Variants in LARGE1 observed in about 807,000 individuals in gnomAD.
LARGE1 encodes the protein LARGE xylosyl- and glucuronyltransferase 1.
In LARGE1, 43 loss-of-function variants were observed where a neutral mutation model predicts 87.6. The ratio of observed to expected loss-of-function variants is 0.49; its 90% confidence interval spans 0.38 to 0.63. LARGE1 has a LOEUF of 0.63. Among genes scored for constraint, LARGE1 ranks in the 30% least tolerant of loss-of-function variants. The pLI, the probability that LARGE1 is intolerant of heterozygous loss-of-function variation, is 0.00. For synonymous variants in LARGE1, 434 were observed against 394.6 expected (o/e 1.10, Z -1.18); for missense variants, 802 against 1,000.2 (o/e 0.80, Z 2.67).
At position 33,890,385 on chromosome 22, in the gene LARGE1, TA is replaced by T. The variant is rs982136405; in HGVS notation, c.-83+29609del. Among the ~76,000 whole-genome samples, 154 of 149,684 alleles carry T rather than the reference TA, an allele frequency of 1.0e-3. 1 individual carries two copies. In the South Asian group the frequency reaches 0.02, roughly 20 times the overall value. ...AGTGCTTGGCACAGTAGTTGGTGCT[TA>T]AAAAAAAAATGAGCTTTTCTTCATA... is the stretch of plus-strand genomic sequence containing the variant. On this transcript the variant is annotated intron_variant, in intron 1 of 14. Transcript: ENST00000397394.
chr22:33,112,214 G>C, the LARGE1 span, among the ~76,000 whole-genome samples: 1 of 152,216 alleles, frequency 6.6e-6, no homozygotes, highest in Non-Finnish European at 1.5e-5. Context: ...GTGGTGGCCT[G>C]AGCCAGAAAG....
intron 10 of LARGE1, among the ~76,000 whole-genome samples, chr22:33,324,213 AC>A: frequency 7.4e-6 from 1 of 135,406 alleles, no homozygotes; most frequent in Non-Finnish European, 1.5e-5. Context: ...TGGGCAACAG[AC>A]CAAGACTCCA....
intron 2 of LARGE1, among the ~76,000 whole-genome samples, chr22:33,696,899 G>T (rs187103075): frequency 6.6e-6 from 1 of 152,084 alleles, no homozygotes; most frequent in African/African-American, 2.4e-5. Flanking sequence ...TTACCAGTTC[G>T]AGTGAACTGC....
chr22:33,448,944 TTC>T (rs2067800616), intron 6 of LARGE1, among the ~76,000 whole-genome samples: 2 of 152,196 alleles, frequency 1.3e-5, no homozygotes, highest in African/African-American at 4.8e-5. Context: ...CTGATTTTCG[TTC>T]TGTCACTGCA....
intron 1 of LARGE1, among the ~76,000 whole-genome samples, chr22:33,797,686 A>C (rs2086029556): frequency 6.6e-6 from 1 of 152,142 alleles, no homozygotes; most frequent in African/African-American, 2.4e-5. Flanking sequence ...ATATTCCCTC[A>C]CCTGCATAAG....
chr22:33,166,628 A>G, exon 12 of LARGE1: 3 of 407,356 alleles, frequency 7.4e-6, no homozygotes, highest in Non-Finnish European at 1.5e-5. Context: ...GTACCACTTC[A>G]ATCTTACCGT....
intron 6 of LARGE1, among the ~76,000 whole-genome samples, chr22:33,451,330 C>T (rs969730106): frequency 2.2e-4 from 34 of 151,376 alleles, no homozygotes; most frequent in Admixed American, 1.1e-3. Context: ...AAGAAAAGAA[C>T]GCTCAGCTGC....
chr22:33,547,877 G>A (rs2077407601), intron 6 of LARGE1, among the ~76,000 whole-genome samples: 1 of 150,344 alleles, frequency 6.7e-6, no homozygotes, highest in East Asian at 1.9e-4. Context: ...CAGGCTATAG[G>A]GTATATCAGA....
chr22:33,680,997 T>C (rs2081751778), intron 2 of LARGE1, among the ~76,000 whole-genome samples: 1 of 152,142 alleles, frequency 6.6e-6, no homozygotes, highest in Admixed American at 6.5e-5. Flanking sequence ...AAAGACAGAT[T>C]CAGGTTTCTT....
the LARGE1 span, among the ~76,000 whole-genome samples, chr22:33,109,406 G>A: frequency 6.6e-6 from 1 of 152,004 alleles, no homozygotes; most frequent in African/African-American, 2.4e-5. Context: ...GCACACTGCA[G>A]CCTGGAACTC....
chr22:33,337,871 G>T (rs1176813285), intron 9 of LARGE1, 70 bp from the exon 10 acceptor site: 19 of 1,510,874 alleles, frequency 1.3e-5, no homozygotes, highest in Non-Finnish European at 1.7e-5. Flanking sequence ...CCTGTAGGAA[G>T]CCATGGCTCA....
intron 6 of LARGE1, among the ~76,000 whole-genome samples, chr22:33,445,810 C>T (rs756088558): frequency 2.2e-4 from 33 of 152,052 alleles, no homozygotes; most frequent in Non-Finnish European, 3.5e-4. Flanking sequence ...CCACCATGCT[C>T]GGCTACTTTT....
the LARGE1 span, among the ~76,000 whole-genome samples, chr22:33,090,140 G>C: frequency 1.3e-5 from 2 of 152,142 alleles, no homozygotes; most frequent in Non-Finnish European, 2.9e-5. Context: ...GGAAGGCAGA[G>C]GTTGCAGATA....
intron 2 of LARGE1, among the ~76,000 whole-genome samples, chr22:33,748,234 C>T (rs753143639): frequency 2.5e-4 from 37 of 150,906 alleles, no homozygotes; most frequent in African/African-American, 5.4e-4. Flanking sequence ...CGGGTTCAAG[C>T]GATTCCCCTG....
intron 11 of LARGE1, among the ~76,000 whole-genome samples, chr22:33,167,993 A>G (rs1195991949): frequency 6.6e-6 from 1 of 152,142 alleles, no homozygotes; most frequent in Non-Finnish European, 1.5e-5. Context: ...TGCCCCTCTC[A>G]CAACCTGGGT....
chr22:33,788,340 T>A (rs2085717712), intron 1 of LARGE1, among the ~76,000 whole-genome samples: 1 of 152,224 alleles, frequency 6.6e-6, no homozygotes, highest in African/African-American at 2.4e-5. Flanking sequence ...TCCATTAAAC[T>A]TATTTCCCTT....
chr22:33,722,894 T>C lies in LARGE1; in HGVS notation c.106+38477A>G, dbSNP rs562386068. 2.0e-5 allele frequency among the ~76,000 whole-genome samples: 3 copies of C among 151,578 alleles called. No individual in the cohort carries two copies. In the East Asian group the frequency reaches 5.8e-4, roughly 29 times the overall value. ...TGCTGATTGGGGTCGCAAGTGGGAG[T>C]TGAGGTCGGAGCTTGGGGGTGAGCT... On this transcript the variant is annotated intron_variant, in intron 2 of 14. Transcript: ENST00000397394.
At chr22:33,289,616 C>A (rs1932168420) in intron 12 of LARGE1, among the ~76,000 whole-genome samples, 2 of 152,176 alleles carry the variant, frequency 1.3e-5, no homozygotes, top group East Asian at 3.9e-4. Flanking sequence ...AGTCAACATA[C>A]TACTTACAAC....
At chr22:33,199,843 C>CTTTTTT in intron 11 of LARGE1, among the ~76,000 whole-genome samples, 1 of 146,698 alleles carries the variant, frequency 6.8e-6, no homozygotes, top group Non-Finnish European at 1.5e-5. Context: ...CGTGCAGACA[C>CTTTTTT]TTTTTTTTTT....
Sources: allele counts gnomAD v4.1 joint callset (sites outside exome capture counted in the v4.1 genomes callset), GRCh38; gene constraint gnomAD v4.1.1; transcripts MANE v1.5; gene names NCBI Gene and HGNC (gene_info 2026-07-23, HGNC 2026-07-21).